SLIT3: variants seen among roughly 807,000 people sequenced by gnomAD.
SLIT3 encodes the protein slit guidance ligand 3.
Under a neutral mutation model 184.0 loss-of-function variants are expected in SLIT3, and 68 were observed. The observed-to-expected ratio is 0.37, with a 90% CI of 0.30 to 0.45. SLIT3 has a LOEUF of 0.45. SLIT3 is among the 20% of genes least tolerant of loss of function. The pLI, the probability that SLIT3 is intolerant of heterozygous loss-of-function variation, is 1.00. For missense variants in SLIT3, 1,707 were observed against 2,026.0 expected, an observed-to-expected ratio of 0.84 and a Z score of 3.02; for synonymous variants, 831 against 828.6, an observed-to-expected ratio of 1.00 and a Z score of -0.05.
intron 1 of SLIT3, among the ~76,000 whole-genome samples, chr5:169,281,290 A>G (rs1766984533): frequency 6.6e-6 from 1 of 152,210 alleles, no homozygotes; most frequent in Admixed American, 6.5e-5. Context: ...CATCCTGGCC[A>G]ACATGGTGAA....
intron 23 of SLIT3, among the ~76,000 whole-genome samples, chr5:168,715,580 A>G (rs886158097): frequency 2.0e-5 from 3 of 152,264 alleles, no homozygotes; most frequent in Non-Finnish European, 4.4e-5. Context: ...CTTTCAGCCC[A>G]TCAGGACCCT....
intron 4 of SLIT3, among the ~76,000 whole-genome samples, chr5:168,931,873 C>G (rs1375874692): frequency 6.6e-6 from 1 of 152,150 alleles, no homozygotes; most frequent in African/African-American, 2.4e-5. Context: ...TAGTAGCTCC[C>G]TAGAGATGTC....
Position 168,789,613 on chromosome 5 carries a change from C to T in SLIT3, c.1026G>A (p.Gln342=). ...KLKRIDISKN[Q]ISDIAPDAFQ... ...AGGCATCTGGAGCAATATCCGATAT[C>T]TGATTCTTGCTGATGTCTCTGAAAA... Residue 342 remains glutamine, a synonymous_variant, in exon 11 of 36, where the codon CAG becomes CAA. Transcript: ENST00000519560. The T allele has an allele frequency of 1.2e-6, 2 of 1,613,628 alleles. No individual in the cohort carries two copies. Among genetic ancestry groups the T allele is most frequent in the Non-Finnish European group, 1.7e-6 (2 of 1,179,766 alleles).
intron 4 of SLIT3, among the ~76,000 whole-genome samples, chr5:168,886,255 A>C (rs1464732897): frequency 6.6e-6 from 1 of 152,214 alleles, no homozygotes; most frequent in Non-Finnish European, 1.5e-5. Flanking sequence ...AAATACCTCC[A>C]GTGGGCTGAC....
chr5:168,668,649 G>A (rs6874988), intron 35 of SLIT3, among the ~76,000 whole-genome samples: 6,108 of 152,278 alleles, frequency 0.04, 410 homozygotes, highest in African/African-American at 0.14. Flanking sequence ...GGAGTGCAGT[G>A]GTGCATTCAT....
At position 168,684,111 on chromosome 5, in the gene SLIT3, CG is replaced by C. The variant is rs1306291169; in HGVS notation, c.3556-16del. 6 of 1,571,386 alleles carry C rather than the reference CG, an allele frequency of 3.8e-6. No individual in the cohort carries two copies. The highest frequency in any genetic ancestry group is 2.4e-5 in the East Asian group (1 of 42,316). On this transcript the variant is annotated splice_polypyrimidine_tract_variant and intron_variant, in intron 31 of 35. Transcript: ENST00000519560. ...TCAGTGGCCACCTGGAGAAAGCAGC[CG>C]GGGCGTGTTAGTAAGGGCTTACCTG...
At chr5:168,814,729 T>C (rs1410502645) in intron 8 of SLIT3, among the ~76,000 whole-genome samples, 6 of 152,260 alleles carry the variant, frequency 3.9e-5, no homozygotes, top group Non-Finnish European at 8.8e-5. Context: ...GGTACAAAAG[T>C]ATTCGCAGTT....
chr5:168,911,912 A>AC (rs1761265081), intron 4 of SLIT3, among the ~76,000 whole-genome samples: 1 of 152,182 alleles, frequency 6.6e-6, no homozygotes, highest in South Asian at 2.1e-4. Flanking sequence ...ACTCCCGTTT[A>AC]TTTTTTGCAT....
At chr5:169,198,379 C>A (rs1180167922) in intron 3 of SLIT3, among the ~76,000 whole-genome samples, 2 of 152,158 alleles carry the variant, frequency 1.3e-5, no homozygotes, top group Non-Finnish European at 2.9e-5. Context: ...GAGGTGGAGA[C>A]TTCTAGACTG....
At chr5:169,073,428 C>T (rs1758624234) in intron 4 of SLIT3, among the ~76,000 whole-genome samples, 1 of 151,868 alleles carries the variant, frequency 6.6e-6, no homozygotes. Context: ...GGTACTGCAC[C>T]TCCTTCTTCC....
intron 4 of SLIT3, among the ~76,000 whole-genome samples, chr5:168,942,827 T>G (rs1296673737): frequency 6.6e-6 from 1 of 151,546 alleles, no homozygotes; most frequent in Admixed American, 6.6e-5. Context: ...CTAGCCAATT[T>G]CTGACTGCTG....
At chr5:169,276,457 C>T (rs1482499723) in intron 1 of SLIT3, among the ~76,000 whole-genome samples, 1 of 152,170 alleles carries the variant, frequency 6.6e-6, no homozygotes, top group African/African-American at 2.4e-5. Context: ...CTCTTTGGTT[C>T]AACTGGTCCA....
chr5:168,766,186 T>C (rs1755339029), intron 14 of SLIT3, among the ~76,000 whole-genome samples: 1 of 152,176 alleles, frequency 6.6e-6, no homozygotes, highest in Non-Finnish European at 1.5e-5. Context: ...CTGGGAGTCA[T>C]AAATTCATTG....
chr5:169,073,620 T>A (rs903461298), intron 4 of SLIT3, among the ~76,000 whole-genome samples: 3 of 152,022 alleles, frequency 2.0e-5, no homozygotes, highest in South Asian at 2.1e-4. Context: ...TGGAGGTTGA[T>A]CCCTCATGAA....
intron 4 of SLIT3, among the ~76,000 whole-genome samples, chr5:169,039,393 T>A (rs1253201268): frequency 6.7e-6 from 1 of 150,006 alleles, no homozygotes; most frequent in Non-Finnish European, 1.5e-5. Flanking sequence ...CTCAGCTCAC[T>A]GCAAGCTCCA....
chr5:168,703,202 A>C (rs1762268084), intron 26 of SLIT3, among the ~76,000 whole-genome samples: 1 of 150,560 alleles, frequency 6.6e-6, no homozygotes, highest in African/African-American at 2.5e-5. Context: ...GTCCTCCACC[A>C]CACTTTCTAC....
At chr5:169,081,066 C>T (rs867349205) in intron 4 of SLIT3, among the ~76,000 whole-genome samples, 11 of 152,328 alleles carry the variant, frequency 7.2e-5, no homozygotes, top group Non-Finnish European at 1.3e-4. Context: ...AGCTCCAGGA[C>T]TTGTTTATGG....
intron 3 of SLIT3, among the ~76,000 whole-genome samples, chr5:169,219,972 G>A (rs1764567918): frequency 1.3e-5 from 2 of 152,116 alleles, no homozygotes; most frequent in Non-Finnish European, 2.9e-5. Context: ...ACCGTGATTC[G>A]CTGCTACATG....
At chr5:169,238,339 C>G (rs1014672642) in intron 3 of SLIT3, among the ~76,000 whole-genome samples, 1 of 152,002 alleles carries the variant, frequency 6.6e-6, no homozygotes, top group Admixed American at 6.6e-5. Context: ...ATTCTTCTAG[C>G]CAGTTTTCAA....
Sources: allele counts gnomAD v4.1 joint callset (sites outside exome capture counted in the v4.1 genomes callset), GRCh38; gene constraint gnomAD v4.1.1; transcripts MANE v1.5; gene names NCBI Gene and HGNC (gene_info 2026-07-23, HGNC 2026-07-21).